The following KIAA1549L variants were observed in gnomAD, a reference collection of about 807,000 sequenced individuals.
KIAA1549L encodes KIAA1549 like.
KIAA1549L carries 88 observed loss-of-function variants against 160.7 expected under a neutral mutation model. The observed-to-expected ratio is 0.55, with a 90% CI of 0.46 to 0.65. The LOEUF is 0.65. Ranked by LOEUF, KIAA1549L falls within the 30% of genes least tolerant of loss-of-function variation. KIAA1549L has a pLI of 0.00. For synonymous variants in KIAA1549L, 950 were observed against 976.7 expected (o/e 0.97, Z 0.51); for missense variants, 2,258 against 2,437.5 (o/e 0.93, Z 1.55).
At chr11:33,467,096 T>C (rs1040313580) in intron 1 of KIAA1549L, among the ~76,000 whole-genome samples, 4 of 152,208 alleles carry the variant, frequency 2.6e-5, no homozygotes, top group Non-Finnish European at 5.9e-5. Context: ...TGTGCACATG[T>C]ACCCTAGAAC....
intron 1 of KIAA1549L, among the ~76,000 whole-genome samples, chr11:33,445,514 T>C (rs1311973103): frequency 6.6e-6 from 1 of 152,252 alleles, no homozygotes; most frequent in Non-Finnish European, 1.5e-5. Context: ...TTCATTCACA[T>C]ATTTTTGGGG....
At chr11:33,489,682 G>A (rs980590337) in intron 1 of KIAA1549L, among the ~76,000 whole-genome samples, 1 of 152,178 alleles carries the variant, frequency 6.6e-6, no homozygotes, top group African/African-American at 2.4e-5. Context: ...CAAAAGGAAT[G>A]GCGGGTCACA....
chr11:33,668,054 C>G lies in KIAA1549L; in HGVS notation c.6341C>G (p.Pro2114Arg), dbSNP rs763797595. ...GCAGAAAACGACCCGTCTGACGCTC[C>G]CCTGACCAACATCTCCACTGCGGCC... ...SLAENDPSDA[P>R]LTNISTAALV... The change falls in exon 21 of 21, where the codon CCC becomes CGC. Residue 2114 changes from proline to arginine, a missense_variant. Pro to Arg is a moderately radical substitution (Grantham distance 103). Coordinates refer to ENST00000658780, the MANE Select transcript of KIAA1549L (RefSeq NM_012194.3). 2 of 1,613,926 alleles carry G rather than the reference C, an allele frequency of 1.2e-6. No homozygotes were observed. The highest frequency in any genetic ancestry group is 1.7e-6 in the Non-Finnish European group (2 of 1,179,910).
chr11:33,603,312 G>C (rs1850410609), intron 13 of KIAA1549L, among the ~76,000 whole-genome samples: 1 of 151,866 alleles, frequency 6.6e-6, no homozygotes, highest in African/African-American at 2.4e-5. Context: ...TAACATATCA[G>C]TAGTGGTAAC....
chr11:33,454,961 C>T (rs1364953600), intron 1 of KIAA1549L, among the ~76,000 whole-genome samples: 1 of 152,008 alleles, frequency 6.6e-6, no homozygotes, highest in African/African-American at 2.4e-5. Context: ...TGGTGGCAGG[C>T]GCCTGTAGTC....
intron 1 of KIAA1549L, among the ~76,000 whole-genome samples, chr11:33,422,910 AT>A (rs1297988364): frequency 6.6e-6 from 1 of 152,048 alleles, no homozygotes; most frequent in East Asian, 1.9e-4. Context: ...GCCCCTACCA[AT>A]TGTATAGGTT....
At chr11:33,430,374 A>G (rs939521412) in intron 1 of KIAA1549L, among the ~76,000 whole-genome samples, 1 of 151,932 alleles carries the variant, frequency 6.6e-6, no homozygotes, top group African/African-American at 2.4e-5. Context: ...AGGTGGGGTG[A>G]ATGTTATATA....
intron 20 of KIAA1549L, among the ~76,000 whole-genome samples, chr11:33,667,507 T>C (rs994614509): frequency 6.6e-6 from 1 of 152,076 alleles, no homozygotes; most frequent in Middle Eastern, 3.4e-3. Flanking sequence ...ACTCTCCTGC[T>C]TCAGCCTCCC....
At chr11:33,463,993 T>C (rs1179995986) in intron 1 of KIAA1549L, among the ~76,000 whole-genome samples, 1 of 152,226 alleles carries the variant, frequency 6.6e-6, no homozygotes, top group Non-Finnish European at 1.5e-5. Flanking sequence ...GATGTTTGTT[T>C]AGTGCTTACC....
chr11:33,644,912 C>T (rs1228175851), intron 16 of KIAA1549L, among the ~76,000 whole-genome samples: 1 of 152,258 alleles, frequency 6.6e-6, no homozygotes, highest in Non-Finnish European at 1.5e-5. Flanking sequence ...AGAAAGCAGA[C>T]ACTTACGAAG....
chr11:33,629,585 C>T (rs1190938667), intron 16 of KIAA1549L, among the ~76,000 whole-genome samples: 1 of 151,772 alleles, frequency 6.6e-6, no homozygotes, highest in African/African-American at 2.4e-5. Context: ...CACATCGGCT[C>T]CTGAGGCTTC....
intron 1 of KIAA1549L, among the ~76,000 whole-genome samples, chr11:33,520,144 C>T (rs1341017555): frequency 6.6e-6 from 1 of 152,002 alleles, no homozygotes; most frequent in Non-Finnish European, 1.5e-5. Flanking sequence ...GTGGTAAGAG[C>T]ACATAACATA....
chr11:33,494,664 T>C (rs1240367391), intron 1 of KIAA1549L, among the ~76,000 whole-genome samples: 1 of 152,140 alleles, frequency 6.6e-6, no homozygotes. Context: ...TTTTAGAGAA[T>C]GAGGGTGCTA....
At chr11:33,554,457 A>T (rs1213562446) in intron 6 of KIAA1549L, among the ~76,000 whole-genome samples, 1 of 152,172 alleles carries the variant, frequency 6.6e-6, no homozygotes, top group Admixed American at 6.5e-5. Flanking sequence ...ATTTATTCCG[A>T]CACAGTTGTA....
chr11:33,519,502 A>G (rs1853430066), intron 1 of KIAA1549L, among the ~76,000 whole-genome samples: 1 of 152,230 alleles, frequency 6.6e-6, no homozygotes, highest in Non-Finnish European at 1.5e-5. Context: ...GGCTGTAACA[A>G]TTATTTACTG....
chr11:33,446,550 G>A (rs890825614), intron 1 of KIAA1549L, among the ~76,000 whole-genome samples: 1 of 152,124 alleles, frequency 6.6e-6, no homozygotes, highest in Non-Finnish European at 1.5e-5. Flanking sequence ...GTTTCTGCAG[G>A]TCAGGAATTC....
rs114077122 is a variant in KIAA1549L, at chr11:33,429,611, C to T, written c.238+52722C>T. On this transcript the variant is annotated intron_variant, in intron 1 of 20. Coordinates refer to ENST00000658780, the MANE Select transcript of KIAA1549L (RefSeq NM_012194.3). Reference sequence around the variant, plus strand: ...CCATGATTTCATGGTTCTTCTCAGTCTCCTTTGTGGATCCCTCTTCATCTT... The same window carrying T: ...CCATGATTTCATGGTTCTTCTCAGTTTCCTTTGTGGATCCCTCTTCATCTT... Among the ~76,000 whole-genome samples the T allele has an allele frequency of 1.3e-3, 192 of 152,300 alleles. 1 individual carries two copies. The highest frequency in any genetic ancestry group is 4.4e-3 in the African/African-American group (184 of 41,560).
intron 20 of KIAA1549L, among the ~76,000 whole-genome samples, chr11:33,663,657 C>G (rs566871177): frequency 6.6e-6 from 1 of 152,290 alleles, no homozygotes; most frequent in African/African-American, 2.4e-5. Context: ...AATGTGGTAG[C>G]TTCCTTCTCA....
chr11:33,596,569 T>A (rs1412846787), intron 12 of KIAA1549L, among the ~76,000 whole-genome samples: 2 of 152,088 alleles, frequency 1.3e-5, no homozygotes, highest in Non-Finnish European at 2.9e-5. Context: ...AAACCCCAGC[T>A]CTACTAAAAA....
Sources: gnomAD v4.1 joint callset for allele counts (sites outside exome capture counted in the v4.1 genomes callset) on GRCh38, gnomAD v4.1.1 for gene constraint, MANE v1.5 for transcripts, NCBI Gene and HGNC (gene_info 2026-07-23, HGNC 2026-07-21) for gene names.